Variants in RABGAP1L observed in about 807,000 individuals in gnomAD.
The protein encoded by RABGAP1L is rab GTPase-activating protein 1-like.
RABGAP1L carries 63 observed loss-of-function variants against 137.7 expected under a neutral mutation model. The ratio of observed to expected loss-of-function variants is 0.46; its 90% CI spans 0.37 to 0.56. RABGAP1L has a LOEUF of 0.56. Ranked by LOEUF, RABGAP1L falls within the 20% of genes least tolerant of loss-of-function variation. RABGAP1L has a pLI of 0.00. For synonymous variants in RABGAP1L, 431 were observed against 433.7 expected (o/e 0.99, Z 0.08); for missense variants, 1,095 against 1,244.0 (o/e 0.88, Z 1.80).
chr1:174,431,740 A>C (rs1327535568), intron 13 of RABGAP1L, among the ~76,000 whole-genome samples: 1 of 152,198 alleles, frequency 6.6e-6, no homozygotes, highest in African/African-American at 2.4e-5. Flanking sequence ...AAACAAATCC[A>C]GCAGCTACAA....
chr1:174,637,892 G>A (rs1366026448), intron 14 of RABGAP1L, among the ~76,000 whole-genome samples: 1 of 152,138 alleles, frequency 6.6e-6, no homozygotes, highest in Non-Finnish European at 1.5e-5. Flanking sequence ...GCAAATTATT[G>A]GATGTTGTTG....
At chr1:174,797,539 CTG>C (rs761330943) in intron 18 of RABGAP1L, among the ~76,000 whole-genome samples, 9 of 44,080 alleles carry the variant, frequency 2.0e-4, no homozygotes, top group Middle Eastern at 0.034. Flanking sequence ...TGTGGTGTGT[CTG>C]TGGGTGTGTG....
intron 4 of RABGAP1L, among the ~76,000 whole-genome samples, chr1:174,232,998 T>C (rs1470517807): frequency 6.6e-6 from 1 of 152,166 alleles, no homozygotes; most frequent in Non-Finnish European, 1.5e-5. Context: ...TTCACAGTTC[T>C]CGTGGTTGGG....
chr1:174,870,073 C>T (rs540569356), intron 19 of RABGAP1L, among the ~76,000 whole-genome samples: 1 of 152,288 alleles, frequency 6.6e-6, no homozygotes, highest in Admixed American at 6.5e-5. Context: ...ATTCTGGAGC[C>T]CACACTTCCT....
chr1:174,622,013 AG>A (rs143529472), intron 13 of RABGAP1L, among the ~76,000 whole-genome samples: 20,214 of 152,164 alleles, frequency 0.13, 4,500 homozygotes, highest in African/African-American at 0.46. Context: ...ACAAACAAAA[AG>A]CAAACAACCC....
At chr1:174,480,808 C>T (rs1193357568) in intron 13 of RABGAP1L, among the ~76,000 whole-genome samples, 2 of 152,174 alleles carry the variant, frequency 1.3e-5, no homozygotes, top group African/African-American at 2.4e-5. Flanking sequence ...AACATATAAC[C>T]CTTCCACGGG....
At chr1:174,733,056 ACT>A in intron 17 of RABGAP1L, among the ~76,000 whole-genome samples, 1 of 152,062 alleles carries the variant, frequency 6.6e-6, no homozygotes, top group Non-Finnish European at 1.5e-5. Flanking sequence ...AGTTAAAATA[ACT>A]CTAAGTCATA....
chr1:174,574,698 TC>T (rs1331953088), intron 13 of RABGAP1L, among the ~76,000 whole-genome samples: 1 of 152,204 alleles, frequency 6.6e-6, no homozygotes, highest in Non-Finnish European at 1.5e-5. Flanking sequence ...TGGCACTTTT[TC>T]TCAACTGTTA....
chr1:174,670,372 C>A (rs2148444974), intron 14 of RABGAP1L, among the ~76,000 whole-genome samples: 1 of 152,140 alleles, frequency 6.6e-6, no homozygotes, highest in Non-Finnish European at 1.5e-5. Flanking sequence ...TGCTCAGAAG[C>A]ATTTATACTT....
At chr1:174,578,431 C>T (rs1304634749) in intron 13 of RABGAP1L, among the ~76,000 whole-genome samples, 2 of 151,960 alleles carry the variant, frequency 1.3e-5, no homozygotes, top group East Asian at 1.9e-4. Context: ...ACCTTGGCCT[C>T]TCAAAGTGCT....
chr1:174,522,010 C>T (rs887288876), intron 13 of RABGAP1L, among the ~76,000 whole-genome samples: 2 of 151,776 alleles, frequency 1.3e-5, no homozygotes, highest in East Asian at 1.9e-4. Flanking sequence ...ACCCAGGAGG[C>T]GGAGGTTGCA....
chr1:174,238,143 T>G (rs1390389802), intron 4 of RABGAP1L, among the ~76,000 whole-genome samples: 1 of 152,156 alleles, frequency 6.6e-6, no homozygotes, highest in African/African-American at 2.4e-5. Flanking sequence ...GGCACTTCTC[T>G]GTATTGGTTA....
At chr1:174,204,200 C>G (rs944673486) in intron 1 of RABGAP1L, among the ~76,000 whole-genome samples, 2 of 152,200 alleles carry the variant, frequency 1.3e-5, no homozygotes, top group Non-Finnish European at 1.5e-5. Flanking sequence ...ATCTGCCCAC[C>G]TCAGCCTCCC....
intron 18 of RABGAP1L, among the ~76,000 whole-genome samples, chr1:174,775,474 T>C (rs1353477826): frequency 1.3e-5 from 2 of 152,032 alleles, no homozygotes; most frequent in African/African-American, 4.8e-5. Flanking sequence ...CCACCACGCC[T>C]GGCTAATTTT....
At chr1:174,527,919 T>TTTA (rs397942853) in intron 13 of RABGAP1L, among the ~76,000 whole-genome samples, 14 of 150,146 alleles carry the variant, frequency 9.3e-5, no homozygotes, top group Non-Finnish European at 1.8e-4. Context: ...TTTTTTTTTT[T>TTTA]ACCTTATTTT....
In RABGAP1L at chr1:174,636,389, G is replaced by C. The variant is rs57888449; in HGVS notation, c.1711-986G>C. Among the ~76,000 whole-genome samples, 203 of 152,104 alleles carry C rather than the reference G, an allele frequency of 1.3e-3. 1 individual carries two copies. Among genetic ancestry groups the C allele is most frequent in the African/African-American group, 4.6e-3 (191 of 41,500 alleles). On this transcript the variant is annotated intron_variant, in intron 13 of 25. Transcript: ENST00000681986. ...ACACACACAAAAAAAATAGCTGGGC[G>C]TGGTGGCGGGCACCTGTAATCCCAG...
At chr1:174,499,196 TA>T (rs1245168800) in intron 13 of RABGAP1L, among the ~76,000 whole-genome samples, 1 of 152,102 alleles carries the variant, frequency 6.6e-6, no homozygotes, top group Non-Finnish European at 1.5e-5. Context: ...TCTTATAGTT[TA>T]TATATTCTTG....
chr1:174,807,978 CT>C (rs144433289), intron 18 of RABGAP1L, among the ~76,000 whole-genome samples: 989 of 94,544 alleles, frequency 0.01, 5 homozygotes, highest in Middle Eastern at 0.016. Context: ...ACAACAAATT[CT>C]TTTTTTTTTT....
chr1:174,820,515 T>C (rs1690905913), intron 19 of RABGAP1L, among the ~76,000 whole-genome samples: 1 of 151,910 alleles, frequency 6.6e-6, no homozygotes, highest in South Asian at 2.1e-4. Flanking sequence ...GTGGTTGACA[T>C]GATGGGAAAT....
Sources: allele counts gnomAD v4.1 joint callset (sites outside exome capture counted in the v4.1 genomes callset), GRCh38; gene constraint gnomAD v4.1.1; transcripts MANE v1.5; gene names NCBI Gene and HGNC (gene_info 2026-07-23, HGNC 2026-07-21).